MB: variants seen among roughly 807,000 people sequenced by gnomAD.
MB encodes the protein nitrite reductase MB.
Under a neutral mutation model 14.5 loss-of-function variants are expected in MB, and 10 were observed. The ratio of observed to expected loss-of-function variants is 0.69; its 90% confidence interval spans 0.43 to 1.17. MB has a LOEUF of 1.17. Among genes scored for constraint, MB ranks in the 50% most tolerant of loss-of-function variants. MB has a pLI of 0.00. For synonymous variants in MB, 89 were observed against 78.6 expected (o/e 1.13, Z -0.70); for missense variants, 169 against 192.7 (o/e 0.88, Z 0.73).
intron 2 of MB, 52 bp from the exon 3 acceptor site, chr22:35,607,495 G>C: frequency 6.4e-7 from 1 of 1,574,730 alleles, no homozygotes. Flanking sequence ...ACAAGCCAGG[G>C]GCCAGATGGG....
At chr22:35,613,060 G>C (rs1922767164) in intron 1 of MB, among the ~76,000 whole-genome samples, 1 of 152,198 alleles carries the variant, frequency 6.6e-6, no homozygotes, top group South Asian at 2.1e-4. Context: ...GTGCGTCACT[G>C]ACGGCTTGTC....
rs776358215 is a variant in MB at position 35,607,091 on chromosome 22, A to G, written c.*206T>C. 5.8e-6 allele frequency: 3 copies of G among 516,080 alleles called. No individual in the cohort carries two copies. Among genetic ancestry groups the G allele is most frequent in the Non-Finnish European group, 6.8e-6 (2 of 292,612 alleles). 32.0% of individuals were successfully genotyped at this position (516,080 alleles called of 1,614,324 possible). A position where few individuals can be genotyped will look rare whatever the true frequency, so the allele number is the denominator to read the frequency against. On this transcript the variant is annotated 3_prime_UTR_variant, in exon 3 of 3. Transcript: ENST00000397326. ...GAGCCAAGGGCCACTCCCGGTTCCC[A>G]GGGTGATGACATCCCACAGGGAGGC... is the stretch of plus-strand genomic sequence containing the variant.
chr22:35,611,653 C>G (rs532831473), intron 1 of MB, among the ~76,000 whole-genome samples: 16 of 152,308 alleles, frequency 1.1e-4, no homozygotes, highest in African/African-American at 3.8e-4. Flanking sequence ...ACTCTCTGAA[C>G]CTCCCAGTCC....
chr22:35,611,175 G>C lies in MB; in HGVS notation c.96-69C>G, dbSNP rs535093024. 70 of 1,134,024 alleles carry C rather than the reference G, an allele frequency of 6.2e-5. 1 individual carries two copies. The African/African-American group carries it at 8.7e-4, about 14-fold the overall frequency. 70.2% of individuals were successfully genotyped at this position (1,134,024 alleles called of 1,614,324 possible). A position where few individuals can be genotyped will look rare whatever the true frequency, so the allele number is the denominator to read the frequency against. ...GTGAGGTCTGGGGGCAGCCAGACTAGAGTTCAAGTTTAGCTCCCTGTCTTC... is the reference window on the plus strand; with the variant it reads ...GTGAGGTCTGGGGGCAGCCAGACTACAGTTCAAGTTTAGCTCCCTGTCTTC... On this transcript the variant is annotated intron_variant, in intron 1 of 2. Coordinates refer to ENST00000397326, the MANE Select transcript of MB (RefSeq NM_005368.3).
chr22:35,609,080 T>C (rs1271864157), intron 2 of MB, among the ~76,000 whole-genome samples: 1 of 152,198 alleles, frequency 6.6e-6, no homozygotes, highest in Non-Finnish European at 1.5e-5. Flanking sequence ...CTTGGCTGCA[T>C]GGTTTTTTCT....
chr22:35,611,902 A>T (rs754415038), intron 1 of MB, among the ~76,000 whole-genome samples: 12 of 151,776 alleles, frequency 7.9e-5, no homozygotes, highest in Non-Finnish European at 1.5e-4. Flanking sequence ...CCAGCTTTAG[A>T]CCTCAGTCCT....
At chr22:35,622,316 C>T (rs1301173287), upstream of MB, among the ~76,000 whole-genome samples, 3 of 152,092 alleles carry the variant, frequency 2.0e-5, no homozygotes, top group Admixed American at 6.5e-5. Flanking sequence ...CCTCCTGGAC[C>T]AGCGCCAGGC....
At chr22:35,610,714 A>C (rs1175327156) in intron 2 of MB, among the ~76,000 whole-genome samples, 170 bp downstream of exon 2, 1 of 152,202 alleles carries the variant, frequency 6.6e-6, no homozygotes, top group Non-Finnish European at 1.5e-5. Flanking sequence ...TCCCAGGAGG[A>C]AGGCAAAGTG....
intron 1 of MB, chr22:35,622,610 C>T (rs530153050): frequency 2.0e-5 from 3 of 152,556 alleles, no homozygotes; most frequent in East Asian, 3.9e-4. Context: ...CATGGCAAGG[C>T]TCCTCCTCTC....
chr22:35,615,390 A>G (rs556397751), intron 1 of MB, among the ~76,000 whole-genome samples: 17 of 152,316 alleles, frequency 1.1e-4, no homozygotes, highest in African/African-American at 4.1e-4. Flanking sequence ...GGGACCTTTC[A>G]GGGACCAGCA....
intron 1 of MB, among the ~76,000 whole-genome samples, chr22:35,616,660 G>A (rs1448573201): frequency 1.3e-5 from 2 of 152,148 alleles, no homozygotes; most frequent in Non-Finnish European, 2.9e-5. Flanking sequence ...TTGAGGCTCC[G>A]AGAGGTTGAG....
At chr22:35,611,756 C>A (rs45570134) in intron 1 of MB, among the ~76,000 whole-genome samples, 4,512 of 152,248 alleles carry the variant, frequency 0.03, 166 homozygotes, top group South Asian at 0.15. Flanking sequence ...CAGTGAGGTG[C>A]CCCAGAGGCC....
chr22:35,609,363 C>T (rs45589932), intron 2 of MB, among the ~76,000 whole-genome samples: 10,798 of 152,212 alleles, frequency 0.071, 392 homozygotes, highest in Non-Finnish European at 0.085. Context: ...GAGATGGCTT[C>T]GCACTGGGCC....
In MB at chr22:35,608,872, C is replaced by T. The variant is rs1012547702; in HGVS notation, c.319-1429G>A. 6.6e-6 allele frequency among the ~76,000 whole-genome samples: 1 copy of T among 152,228 alleles called. No individual in the cohort carries two copies. The highest frequency in any genetic ancestry group is 2.4e-5 in the African/African-American group (1 of 41,452). On this transcript the variant is annotated intron_variant, in intron 2 of 2. Transcript: ENST00000397326. This position sits in a 1 kb window ranked among gnomAD's most constrained non-coding sequence, Gnocchi z 4.3. ...CACTCTCGGCACCCACCACCCTGTA[C>T]AGCCCCTCAGTCCCTCAGAGAGACA...
At chr22:35,621,603 C>T (rs1227730309), upstream of MB, among the ~76,000 whole-genome samples, 1 of 152,174 alleles carries the variant, frequency 6.6e-6, no homozygotes, top group Admixed American at 6.5e-5. Flanking sequence ...CTGGCATCTG[C>T]TTGAATACTC....
chr22:35,612,039 C>T (rs963967643), intron 1 of MB, among the ~76,000 whole-genome samples: 15 of 152,042 alleles, frequency 9.9e-5, no homozygotes, highest in African/African-American at 3.4e-4. Flanking sequence ...GGCTAGCTAG[C>T]GGCAGAGCCC....
rs45579745 is a variant in MB, at chr22:35,608,508, C to G, written c.319-1065G>C. Among the ~76,000 whole-genome samples, 852 of 152,268 alleles carry G rather than the reference C, an allele frequency of 5.6e-3. 10 individuals are homozygous for G. Among genetic ancestry groups the G allele is most frequent in the African/African-American group, 0.02 (831 of 41,542 alleles). On this transcript the variant is annotated intron_variant, in intron 2 of 2. Transcript: ENST00000397326. This position sits in a 1 kb window ranked among gnomAD's most constrained non-coding sequence, Gnocchi z 4.3. ...GGGTGGGACATGCAAAGGGAGGCCT[C>G]AAGAAGCATCAACACCCCATAAGCC...
At position 35,607,223 on chromosome 22, in the gene MB, T is replaced by C. The variant is rs961815640; in HGVS notation, c.*74A>G. 1.5e-5 allele frequency: 22 copies of C among 1,504,422 alleles called. No individual in the cohort carries two copies. Among genetic ancestry groups the C allele is most frequent in the African/African-American group, 1.4e-4 (10 of 71,980 alleles). 93.2% of individuals were successfully genotyped at this position (1,504,422 alleles called of 1,614,324 possible). ...CAGACACTCAGAAGCAAACTCTATA[T>C]GGCTACACGAGATCAGACCCCGCTC... On this transcript the variant is annotated 3_prime_UTR_variant, in exon 3 of 3. Transcript: ENST00000397326.
At chr22:35,610,131 TG>T (rs935220413) in intron 2 of MB, among the ~76,000 whole-genome samples, 1 of 152,178 alleles carries the variant, frequency 6.6e-6, no homozygotes, top group African/African-American at 2.4e-5. Context: ...CCTCGGGGGA[TG>T]CACCTGTCCC....
Sources: allele counts gnomAD v4.1 joint callset (sites outside exome capture counted in the v4.1 genomes callset), GRCh38; gene constraint gnomAD v4.1.1; non-coding constraint Gnocchi (gnomAD v3.1); transcripts MANE v1.5; gene names NCBI Gene and HGNC (gene_info 2026-07-23, HGNC 2026-07-21).